Variants in RHOBTB1 observed in about 807,000 individuals in gnomAD.
The protein encoded by RHOBTB1 is rho-related BTB domain-containing protein 1.
In RHOBTB1, 40 loss-of-function variants were observed where a neutral mutation model predicts 71.6. The observed-to-expected ratio is 0.56, with a 90% confidence interval of 0.43 to 0.73. The LOEUF (loss-of-function observed/expected upper bound fraction) is 0.73, where lower values mean the gene tolerates loss of function less well. Ranked by LOEUF, RHOBTB1 falls within the 30% of genes least tolerant of loss-of-function variation. The pLI is 0.00. For missense variants in RHOBTB1, 797 were observed against 894.0 expected (o/e 0.89, Z 1.38); for synonymous variants, 319 against 334.9 (o/e 0.95, Z 0.52).
chr10:60,971,439 T>C (rs2134675603), intron 2 of RHOBTB1, among the ~76,000 whole-genome samples: 1 of 152,144 alleles, frequency 6.6e-6, no homozygotes, highest in East Asian at 1.9e-4. Context: ...AAACAAGCAA[T>C]GGGGAAAGGA....
At chr10:60,920,058 C>T (rs1287702561) in intron 2 of RHOBTB1, among the ~76,000 whole-genome samples, 2 of 152,162 alleles carry the variant, frequency 1.3e-5, no homozygotes, top group Non-Finnish European at 2.9e-5. Flanking sequence ...TCTACAAATA[C>T]ACCAGGGAAC....
chr10:60,960,987 G>A (rs1389001586), intron 2 of RHOBTB1, among the ~76,000 whole-genome samples: 1 of 152,112 alleles, frequency 6.6e-6, no homozygotes, highest in East Asian at 1.9e-4. Flanking sequence ...GGGTGGTTAA[G>A]TATGGGGATT....
At chr10:60,935,550 G>A (rs553747601) in intron 2 of RHOBTB1, among the ~76,000 whole-genome samples, 1 of 152,116 alleles carries the variant, frequency 6.6e-6, no homozygotes, top group South Asian at 2.1e-4. Context: ...AGTTCTTTGA[G>A]GTATTTCAGT....
At chr10:60,978,010 G>A (rs1446809816) in intron 2 of RHOBTB1, among the ~76,000 whole-genome samples, 1 of 152,030 alleles carries the variant, frequency 6.6e-6, no homozygotes, top group East Asian at 1.9e-4. Flanking sequence ...AAAATAAAAT[G>A]CCGATATATT....
At chr10:60,997,171 GCTGGATTCAAACACA>G in intron 1 of RHOBTB1, among the ~76,000 whole-genome samples, 1 of 151,696 alleles carries the variant, frequency 6.6e-6, no homozygotes, top group Admixed American at 6.6e-5. Context: ...TCTGCTATTA[GCTGGATTCAAACACA>G]CTGAGTTCCT....
intron 2 of RHOBTB1, among the ~76,000 whole-genome samples, chr10:60,930,882 G>A (rs768540298): frequency 1.3e-5 from 2 of 151,910 alleles, no homozygotes; most frequent in African/African-American, 4.8e-5. Context: ...TATTCCCTCC[G>A]ACAAATAAAC....
chr10:60,891,800 G>A (rs2081933205), intron 5 of RHOBTB1, among the ~76,000 whole-genome samples: 1 of 152,100 alleles, frequency 6.6e-6, no homozygotes, highest in African/African-American at 2.4e-5. Context: ...CACATGGTTT[G>A]GCTATGTCCC....
At chr10:60,914,895 C>G (rs1252224025) in intron 2 of RHOBTB1, among the ~76,000 whole-genome samples, 25 of 152,110 alleles carry the variant, frequency 1.6e-4, no homozygotes, top group Non-Finnish European at 1.9e-4. Flanking sequence ...AGGTGCTGAC[C>G]CTTGTGCAAA....
chr10:60,958,186 C>G (rs2085659917), intron 2 of RHOBTB1, among the ~76,000 whole-genome samples: 1 of 152,108 alleles, frequency 6.6e-6, no homozygotes, highest in Non-Finnish European at 1.5e-5. Context: ...GAGGTGAACC[C>G]ATTTTTATAT....
At chr10:60,887,459 C>G (rs1304484498) in intron 6 of RHOBTB1, among the ~76,000 whole-genome samples, 1 of 152,142 alleles carries the variant, frequency 6.6e-6, no homozygotes, top group Non-Finnish European at 1.5e-5. Context: ...AATTTCAGAA[C>G]AAAAATAGTC....
chr10:60,889,580 C>CT (rs1322008130), intron 5 of RHOBTB1, among the ~76,000 whole-genome samples: 2 of 151,906 alleles, frequency 1.3e-5, no homozygotes, highest in Non-Finnish European at 2.9e-5. Flanking sequence ...ATTCTGATAG[C>CT]TTTTTTTGTA....
At chr10:60,884,692 A>G (rs920390216) in intron 7 of RHOBTB1, among the ~76,000 whole-genome samples, 6 of 152,234 alleles carry the variant, frequency 3.9e-5, no homozygotes, top group Admixed American at 3.3e-4. Flanking sequence ...GACAACATGC[A>G]TGAACCTAAA....
At chr10:60,972,684 TAAAAAAAG>T (rs912564066) in intron 2 of RHOBTB1, among the ~76,000 whole-genome samples, 7 of 151,584 alleles carry the variant, frequency 4.6e-5, no homozygotes, top group Non-Finnish European at 7.4e-5. Context: ...TAAAGTATAA[TAAAAAAAG>T]AAAAAAAGAG....
At chr10:60,866,070 G>A (rs1339361477), downstream of RHOBTB1, among the ~76,000 whole-genome samples, 1 of 152,170 alleles carries the variant, frequency 6.6e-6, no homozygotes, top group East Asian at 1.9e-4. Context: ...GACCTCAAGT[G>A]ATATGACTGC....
intron 2 of RHOBTB1, among the ~76,000 whole-genome samples, chr10:60,933,204 C>T (rs1417370029): frequency 1.3e-5 from 2 of 152,166 alleles, no homozygotes; most frequent in Non-Finnish European, 2.9e-5. Context: ...TTTTTCAGGG[C>T]ATGTTCCTAT....
chr10:60,897,831 C>A (rs2082231515), intron 4 of RHOBTB1, among the ~76,000 whole-genome samples: 1 of 152,090 alleles, frequency 6.6e-6, no homozygotes, highest in Non-Finnish European at 1.5e-5. Flanking sequence ...CTCAGCCTCC[C>A]GAGTAGCTGG....
At chr10:60,997,959 G>T (rs1423611393) in intron 1 of RHOBTB1, among the ~76,000 whole-genome samples, 1 of 152,146 alleles carries the variant, frequency 6.6e-6, no homozygotes, top group Admixed American at 6.5e-5. Flanking sequence ...ATAGCTTATG[G>T]TCTGTTTTGG....
At chr10:60,998,312 C>G (rs949528588) in intron 1 of RHOBTB1, among the ~76,000 whole-genome samples, 1 of 152,216 alleles carries the variant, frequency 6.6e-6, no homozygotes, top group African/African-American at 2.4e-5. Context: ...AACATACTTA[C>G]AGACCAACAA....
At chr10:60,898,466 G>T (rs2082262867) in intron 4 of RHOBTB1, among the ~76,000 whole-genome samples, 1 of 152,202 alleles carries the variant, frequency 6.6e-6, no homozygotes, top group Admixed American at 6.5e-5. Flanking sequence ...GAAAATTTTA[G>T]TAGGGGAGCA....
Sources: allele counts gnomAD v4.1 joint callset (sites outside exome capture counted in the v4.1 genomes callset), GRCh38; gene constraint gnomAD v4.1.1; transcripts MANE v1.5; gene names NCBI Gene and HGNC (gene_info 2026-07-23, HGNC 2026-07-21).